GALNT13: variants seen among roughly 807,000 people sequenced by gnomAD.
The protein encoded by GALNT13 is UDP-GalNAc:polypeptide N-acetylgalactosaminyltransferase 13.
A neutral mutation model predicts 64.2 loss-of-function variants in GALNT13; 28 were observed. The ratio of observed to expected loss-of-function variants is 0.44; its 90% confidence interval spans 0.32 to 0.60. GALNT13 has a LOEUF of 0.60. GALNT13 is among the 20% of genes least tolerant of loss of function. The pLI is 0.05. For synonymous variants in GALNT13, 214 were observed against 224.6 expected, an observed-to-expected ratio of 0.95 and a Z score of 0.42; for missense variants, 577 against 669.8, an observed-to-expected ratio of 0.86 and a Z score of 1.53.
chr2:153,262,066 G>A, the GALNT13 span, among the ~76,000 whole-genome samples: 1 of 152,160 alleles, frequency 6.6e-6, no homozygotes, highest in Non-Finnish European at 1.5e-5. Context: ...CTATGGCCAA[G>A]CTGGTATCTA....
intron 3 of GALNT13, among the ~76,000 whole-genome samples, chr2:154,134,025 G>A (rs1682803548): frequency 6.6e-6 from 1 of 152,080 alleles, no homozygotes; most frequent in Non-Finnish European, 1.5e-5. Flanking sequence ...GCAGGGGAAA[G>A]TACATGGAGA....
chr2:153,427,019 C>T, the GALNT13 span, among the ~76,000 whole-genome samples: 1 of 151,908 alleles, frequency 6.6e-6, no homozygotes, highest in South Asian at 2.1e-4. Context: ...AAAGGTGTCT[C>T]AAGCAGCAGA....
At chr2:153,364,672 T>C in the GALNT13 span, among the ~76,000 whole-genome samples, 31 of 152,074 alleles carry the variant, frequency 2.0e-4, no homozygotes, top group South Asian at 6.2e-3. Context: ...GGAATACAGC[T>C]AAAAAGAGAC....
chr2:153,688,725 C>A, the GALNT13 span, among the ~76,000 whole-genome samples: 5 of 151,980 alleles, frequency 3.3e-5, no homozygotes, highest in African/African-American at 1.2e-4. Context: ...TATCTGGCTT[C>A]TTCATTAAAC....
At chr2:153,350,649 C>G in the GALNT13 span, among the ~76,000 whole-genome samples, 1 of 152,014 alleles carries the variant, frequency 6.6e-6, no homozygotes, top group African/African-American at 2.4e-5. Context: ...TCCCAAAGTG[C>G]TGGGATTACA....
At chr2:153,534,979 T>C in the GALNT13 span, among the ~76,000 whole-genome samples, 1 of 151,864 alleles carries the variant, frequency 6.6e-6, no homozygotes, top group African/African-American at 2.4e-5. Flanking sequence ...ATGAGAAAAA[T>C]AAAATAGTGT....
At chr2:153,950,305 A>G (rs1346231721) in intron 3 of GALNT13, among the ~76,000 whole-genome samples, 1 of 152,038 alleles carries the variant, frequency 6.6e-6, no homozygotes, top group African/African-American at 2.4e-5. Flanking sequence ...GGGCAACAGA[A>G]CTGAAGTGAC....
chr2:153,214,063 T>A, the GALNT13 span, among the ~76,000 whole-genome samples: 1 of 152,192 alleles, frequency 6.6e-6, no homozygotes, highest in Admixed American at 6.5e-5. Flanking sequence ...TGCTAAAAAA[T>A]TTGTTGTTAA....
the GALNT13 span, among the ~76,000 whole-genome samples, chr2:153,330,187 G>T: frequency 1.3e-5 from 2 of 152,178 alleles, no homozygotes; most frequent in Non-Finnish European, 2.9e-5. Context: ...TAGCCTTATA[G>T]TATAGTTTGA....
intron 8 of GALNT13, among the ~76,000 whole-genome samples, chr2:154,268,995 A>G (rs1010407311): frequency 6.6e-6 from 1 of 152,098 alleles, no homozygotes; most frequent in African/African-American, 2.4e-5. Context: ...CACAGTGAAA[A>G]CAATAGTGTA....
chr2:153,240,006 G>C, the GALNT13 span, among the ~76,000 whole-genome samples: 2 of 152,092 alleles, frequency 1.3e-5, no homozygotes, highest in Non-Finnish European at 2.9e-5. Context: ...ACTTGTTACT[G>C]ATCTGTTCAG....
At chr2:153,406,530 C>T in the GALNT13 span, among the ~76,000 whole-genome samples, 1 of 152,018 alleles carries the variant, frequency 6.6e-6, no homozygotes, top group Admixed American at 6.6e-5. Flanking sequence ...GCCTCAGTCA[C>T]CTGAGTAGCT....
the GALNT13 span, among the ~76,000 whole-genome samples, chr2:153,722,156 C>T: frequency 6.9e-6 from 1 of 145,562 alleles, no homozygotes; most frequent in Non-Finnish European, 1.5e-5. Context: ...AAGAATCTCA[C>T]TCAAAGCCGC....
At chr2:153,148,959 G>T in the GALNT13 span, among the ~76,000 whole-genome samples, 2 of 151,820 alleles carry the variant, frequency 1.3e-5, no homozygotes, top group African/African-American at 4.8e-5. Context: ...TGTGTTTGAA[G>T]AATTTGATCT....
the GALNT13 span, among the ~76,000 whole-genome samples, chr2:153,589,162 T>A: frequency 6.6e-6 from 1 of 152,174 alleles, no homozygotes; most frequent in Non-Finnish European, 1.5e-5. Flanking sequence ...AAAAGAAATT[T>A]CTTCTGCTGG....
intron 2 of GALNT13, among the ~76,000 whole-genome samples, chr2:153,936,605 T>G (rs1690937616): frequency 6.6e-6 from 1 of 152,202 alleles, no homozygotes; most frequent in Non-Finnish European, 1.5e-5. Context: ...CCGCCATCCC[T>G]TCTTAGCGAT....
the GALNT13 span, among the ~76,000 whole-genome samples, chr2:153,609,171 A>AGCTCAAGTGATCT: frequency 0.32 from 48,853 of 151,664 alleles, 8,662 homozygotes; most frequent in African/African-American, 0.46. Context: ...TGAACTTGTG[A>AGCTCAAGTGATCT]GCCTGCCTCA....
At chr2:154,096,055 A>G (rs953715298) in intron 3 of GALNT13, among the ~76,000 whole-genome samples, 4 of 151,994 alleles carry the variant, frequency 2.6e-5, no homozygotes, top group Admixed American at 6.6e-5. Flanking sequence ...GCCAACATAT[A>G]TGTATGTATA....
the GALNT13 span, among the ~76,000 whole-genome samples, chr2:153,194,121 T>G: frequency 1.8e-3 from 275 of 152,314 alleles, 1 homozygote; most frequent in African/African-American, 6.3e-3. Flanking sequence ...TTCCTTTATC[T>G]GTATGTCTAA....
Sources: gnomAD v4.1 joint callset for allele counts (sites outside exome capture counted in the v4.1 genomes callset) on GRCh38, gnomAD v4.1.1 for gene constraint, MANE v1.5 for transcripts, NCBI Gene and HGNC (gene_info 2026-07-23, HGNC 2026-07-21) for gene names.